Variants in CSMD1 observed in about 807,000 individuals in gnomAD.
CSMD1 encodes CUB and Sushi multiple domains 1, also known as CUB and sushi domain-containing protein 1.
Under a neutral mutation model 417.5 loss-of-function variants are expected in CSMD1, and 213 were observed. That is an observed-to-expected ratio of 0.51 (90% CI 0.46 to 0.57). CSMD1 has a LOEUF of 0.57. CSMD1 is among the 20% of genes least tolerant of loss of function. The probability of loss-of-function intolerance (pLI) is 0.00; values close to 1 mark genes in which losing one functional copy is unlikely to be tolerated. For synonymous variants in CSMD1, 2,862 were observed against 1,736.8 expected (o/e 1.65, Z -16.11); for missense variants, 6,923 against 4,529.7 (o/e 1.53, Z -15.17).
chr8:4,764,884 A>AAC (rs1216896798), intron 1 of CSMD1, among the ~76,000 whole-genome samples: 5 of 49,154 alleles, frequency 1.0e-4, no homozygotes, highest in Admixed American at 5.3e-4. Flanking sequence ...AAAAAAAAAA[A>AAC]AAAAAAAAAA....
Position 3,207,078 on chromosome 8 carries a change from T to C in CSMD1, c.4868-1458A>G, listed in dbSNP as rs1353918216. ...GATTTGAATTCAGAATTAGCTTCAG[T>C]ATTTCAGAAAGATTATATTTCTACA... is the stretch of plus-strand genomic sequence containing the variant. On this transcript the variant is annotated intron_variant, in intron 30 of 69. Transcript: ENST00000635120. 6.6e-5 allele frequency among the ~76,000 whole-genome samples: 10 copies of C among 152,102 alleles called. 1 individual carries two copies. Among genetic ancestry groups the C allele is most frequent in the Admixed American group, 6.6e-4 (10 of 15,266 alleles).
chr8:3,611,150 T>C (rs2469326), intron 8 of CSMD1, among the ~76,000 whole-genome samples: 23,693 of 149,776 alleles, frequency 0.16, 2,111 homozygotes, highest in African/African-American at 0.22. Context: ...AGTTAATGGC[T>C]GCAGCACACC....
At chr8:4,706,680 A>G (rs529136546) in intron 1 of CSMD1, among the ~76,000 whole-genome samples, 1 of 152,340 alleles carries the variant, frequency 6.6e-6, no homozygotes, top group Admixed American at 6.5e-5. Flanking sequence ...AATGTGGCTG[A>G]AGTTAATAAT....
At chr8:3,983,770 C>A (rs1224546895) in intron 5 of CSMD1, among the ~76,000 whole-genome samples, 4 of 152,270 alleles carry the variant, frequency 2.6e-5, no homozygotes, top group South Asian at 2.1e-4. Context: ...CTGTCAACTG[C>A]ACCTCTAGAG....
intron 5 of CSMD1, among the ~76,000 whole-genome samples, chr8:3,802,362 G>A (rs1399015688): frequency 6.6e-6 from 1 of 152,056 alleles, no homozygotes. Context: ...GTGTGCATGT[G>A]CTTATAGAGA....
chr8:3,387,998 A>C (rs1344701539), intron 17 of CSMD1, among the ~76,000 whole-genome samples: 1 of 152,216 alleles, frequency 6.6e-6, no homozygotes, highest in African/African-American at 2.4e-5. Context: ...ATAAAGTCTA[A>C]GACTTTTCCT....
At chr8:3,017,945 G>C (rs1563242335) in intron 52 of CSMD1, among the ~76,000 whole-genome samples, 1 of 151,482 alleles carries the variant, frequency 6.6e-6, no homozygotes, top group African/African-American at 2.4e-5. Flanking sequence ...TCTTTAAACT[G>C]CTTATTCAAG....
At chr8:4,618,639 G>A (rs540274291) in intron 2 of CSMD1, among the ~76,000 whole-genome samples, 3 of 152,030 alleles carry the variant, frequency 2.0e-5, no homozygotes, top group African/African-American at 7.2e-5. Flanking sequence ...AATGCCTTGG[G>A]AAACCGTTAA....
chr8:3,052,163 G>T (rs765138077), intron 50 of CSMD1, among the ~76,000 whole-genome samples: 2 of 152,134 alleles, frequency 1.3e-5, no homozygotes, highest in African/African-American at 4.8e-5. Context: ...ATTTCCTCTA[G>T]ATTTCATCCC....
At chr8:4,425,579 C>G (rs904863388) in intron 2 of CSMD1, among the ~76,000 whole-genome samples, 1 of 152,030 alleles carries the variant, frequency 6.6e-6, no homozygotes, top group Non-Finnish European at 1.5e-5. Context: ...CAAATGTGCT[C>G]CTGAAGACAT....
chr8:4,867,860 C>A (rs1372619587), intron 1 of CSMD1, among the ~76,000 whole-genome samples: 1 of 152,056 alleles, frequency 6.6e-6, no homozygotes, highest in Non-Finnish European at 1.5e-5. Context: ...TATTTTATAT[C>A]ATTACAGTAT....
chr8:3,936,562 G>A (rs1415792759), intron 5 of CSMD1, among the ~76,000 whole-genome samples: 4 of 152,152 alleles, frequency 2.6e-5, no homozygotes, highest in Admixed American at 6.5e-5. Flanking sequence ...ACAAAGCCGG[G>A]AAGATAGCAC....
At chr8:4,262,652 A>G (rs530288415) in intron 3 of CSMD1, among the ~76,000 whole-genome samples, 1 of 152,198 alleles carries the variant, frequency 6.6e-6, no homozygotes, top group South Asian at 2.1e-4. Context: ...CTGGGGCTGA[A>G]AGAGTAAAAC....
intron 6 of CSMD1, among the ~76,000 whole-genome samples, chr8:3,740,086 T>C (rs1191266710): frequency 6.6e-6 from 1 of 152,118 alleles, no homozygotes; most frequent in African/African-American, 2.4e-5. Flanking sequence ...GCAACAAAGG[T>C]ATTCATTTTA....
Position 3,000,039 on chromosome 8 carries a change from G to C in CSMD1, c.8122C>G (p.Pro2708Ala), listed in dbSNP as rs369017239. ...YRDTVVYQCN[P>A]GFRLVGTSVR... The stretch of plus-strand genomic sequence containing the variant: ...GAAGTTCCCACAAGCCGGAAACCAG[G>C]ATTGCACTGGTAAACCACCGTGTCT... The change falls in exon 53 of 70, where the codon CCT becomes GCT. Residue 2708 changes from proline to alanine, a missense_variant. By Grantham distance (27) the Pro-to-Ala change is conservative. Coordinates refer to ENST00000635120, the MANE Select transcript of CSMD1 (RefSeq NM_033225.6). 1 of 1,605,654 alleles carries C rather than the reference G, an allele frequency of 6.2e-7. No individual in the cohort carries two copies.
chr8:3,671,810 G>T (rs527833961), intron 7 of CSMD1, among the ~76,000 whole-genome samples: 1 of 151,764 alleles, frequency 6.6e-6, no homozygotes, highest in Non-Finnish European at 1.5e-5. Context: ...TTGGAGCCTA[G>T]AACTTCAGTT....
At chr8:3,648,308 C>T (rs1797678959) in intron 7 of CSMD1, among the ~76,000 whole-genome samples, 1 of 152,142 alleles carries the variant, frequency 6.6e-6, no homozygotes, top group East Asian at 1.9e-4. Flanking sequence ...CTACAAATTG[C>T]CTTGCTGAAA....
At chr8:4,381,540 G>A (rs1284317449) in intron 3 of CSMD1, among the ~76,000 whole-genome samples, 2 of 152,062 alleles carry the variant, frequency 1.3e-5, no homozygotes, top group African/African-American at 4.8e-5. Context: ...TGGTAGGGAG[G>A]AGGTATTTTT....
chr8:3,445,577 T>C (rs1815249781), intron 12 of CSMD1, among the ~76,000 whole-genome samples: 1 of 152,062 alleles, frequency 6.6e-6, no homozygotes, highest in East Asian at 1.9e-4. Flanking sequence ...GTGCGGATGA[T>C]GAATCAGTGC....
Sources: allele counts gnomAD v4.1 joint callset (sites outside exome capture counted in the v4.1 genomes callset), GRCh38; gene constraint gnomAD v4.1.1; transcripts MANE v1.5; gene names NCBI Gene and HGNC (gene_info 2026-07-23, HGNC 2026-07-21).